ANXA13: variants seen among roughly 807,000 people sequenced by gnomAD.
The protein encoded by ANXA13 is annexin XIII.
In ANXA13, 36 loss-of-function variants were observed where a neutral mutation model predicts 46.6. The observed-to-expected ratio is 0.77, with a 90% CI of 0.59 to 1.02. The LOEUF is 1.02. Among genes scored for constraint, ANXA13 ranks in the 50% least tolerant of loss-of-function variants. The pLI is 0.00. For synonymous variants in ANXA13, 163 were observed against 152.9 expected, an observed-to-expected ratio of 1.07 and a Z score of -0.49; for missense variants, 417 against 396.5, an observed-to-expected ratio of 1.05 and a Z score of -0.44.
chr8:123,684,612 CG>C lies in ANXA13; in HGVS notation c.828del (p.Glu277ArgfsTer35). ...ETLIRIVVTR[A>X]EVDLQGIKAK... is the part of the protein sequence containing the mutation. ...TTTGGAGTCGGAGTGTGTCTTACCT[CG>C]GCCCTGGTCACGACTATGCGAATCA... On this transcript the variant is annotated frameshift_variant, in exon 10 of 11. Transcript: ENST00000419625. LOFTEE classifies it high-confidence loss of function. 1 of 1,610,704 alleles carries C rather than the reference CG, an allele frequency of 6.2e-7. No homozygotes were observed. The highest frequency in any genetic ancestry group is 8.5e-7 in the Non-Finnish European group (1 of 1,176,922).
At chr8:123,684,019 A>T (rs1813091392) in intron 10 of ANXA13, among the ~76,000 whole-genome samples, 1 of 152,200 alleles carries the variant, frequency 6.6e-6, no homozygotes, top group South Asian at 2.1e-4. Flanking sequence ...TTTTTTATGT[A>T]TAAAGCACTG....
In ANXA13 at chr8:123,698,305, C is replaced by G. The variant is rs978331142; in HGVS notation, c.357+84G>C. 43 of 1,471,922 alleles carry G rather than the reference C, an allele frequency of 2.9e-5. No individual in the cohort carries two copies. The South Asian group carries it at 5.1e-4, about 17-fold the overall frequency. The allele number at this position is 1,471,922 out of a possible 1,614,324, so 91.2% of individuals were successfully genotyped here. On this transcript the variant is annotated intron_variant, in intron 4 of 10. Transcript: ENST00000419625. ...ACCTGCTCAGTCCATGGATAGAATG[C>G]TGGGAAGTAGGGTCCCTTCTGGGGG...
rs1485935358 is a variant in ANXA13, at chr8:123,736,152, T to G, written c.15+1168A>C. On this transcript the variant is annotated intron_variant, in intron 1 of 10. Transcript: ENST00000419625. ...AACAATGCCTTTCCTAAGAATATATTTGTAAGTTTGTAAACATCTGAGTGC... is the reference window on the plus strand; with the variant it reads ...AACAATGCCTTTCCTAAGAATATATGTGTAAGTTTGTAAACATCTGAGTGC... Among the ~76,000 whole-genome samples the G allele has an allele frequency of 1.3e-5, 2 of 152,304 alleles. 1 individual carries two copies. The highest frequency in any genetic ancestry group is 4.1e-4 in the South Asian group (2 of 4,828).
chr8:123,720,370 C>G (rs1375177725), intron 1 of ANXA13, among the ~76,000 whole-genome samples: 4 of 152,168 alleles, frequency 2.6e-5, no homozygotes, highest in African/African-American at 9.7e-5. Flanking sequence ...GAGAGAGCCT[C>G]AGACACACCT....
At chr8:123,704,851 T>C (rs1438999725) in intron 2 of ANXA13, among the ~76,000 whole-genome samples, 1 of 152,188 alleles carries the variant, frequency 6.6e-6, no homozygotes, top group Non-Finnish European at 1.5e-5. Context: ...TCAGTTCTCC[T>C]CTCTATTGGA....
At chr8:123,692,633 T>C (rs144648202) in intron 8 of ANXA13, among the ~76,000 whole-genome samples, 1 of 152,326 alleles carries the variant, frequency 6.6e-6, no homozygotes, top group African/African-American at 2.4e-5. Context: ...GTTAGCCAAC[T>C]GTAAACTGGA....
At position 123,681,282 on chromosome 8, in the gene ANXA13, G is replaced by C; in HGVS notation, c.909C>G (p.Thr303=). ...KSLSDMVRSD[T]SGDFRKLLVA... Reference sequence around the variant, plus strand: ...CTAGCAGTTTCCGGAAGTCCCCGGAGGTATCTGAGCGAACCATGTCAGAGA... The same window carrying C: ...CTAGCAGTTTCCGGAAGTCCCCGGACGTATCTGAGCGAACCATGTCAGAGA... Residue 303 remains threonine, a synonymous_variant, in exon 11 of 11, where the codon ACC becomes ACG. Coordinates refer to ENST00000419625, the MANE Select transcript of ANXA13 (RefSeq NM_004306.4). 1 of 1,614,128 alleles carries C rather than the reference G, an allele frequency of 6.2e-7. No individual in the cohort carries two copies. The highest frequency in any genetic ancestry group is 8.5e-7 in the Non-Finnish European group (1 of 1,179,992).
intron 2 of ANXA13, among the ~76,000 whole-genome samples, chr8:123,705,189 C>G (rs1430721059): frequency 6.6e-6 from 1 of 152,206 alleles, no homozygotes; most frequent in African/African-American, 2.4e-5. Flanking sequence ...TGAGACAACT[C>G]TTTTACCTGT....
At chr8:123,692,310 T>A (rs1198400981) in intron 8 of ANXA13, among the ~76,000 whole-genome samples, 1 of 152,194 alleles carries the variant, frequency 6.6e-6, no homozygotes, top group Non-Finnish European at 1.5e-5. Context: ...GTCACAATAG[T>A]TGTTCGGCCT....
intron 1 of ANXA13, among the ~76,000 whole-genome samples, chr8:123,719,564 G>A (rs757321380): frequency 5.3e-5 from 8 of 152,152 alleles, no homozygotes; most frequent in Admixed American, 2.0e-4. Flanking sequence ...TTTTAAGGAG[G>A]AGTTGACATT....
chr8:123,712,119 T>A (rs964958621), intron 2 of ANXA13: 2 of 154,760 alleles, frequency 1.3e-5, no homozygotes, highest in African/African-American at 4.8e-5. Context: ...GATAATTGAC[T>A]CACAGGGGCA....
rs762896828 is a variant in ANXA13 at position 123,681,345 on chromosome 8, C to G, written c.846G>C (p.Gly282=). The G allele has an allele frequency of 1.8e-5, 29 of 1,613,592 alleles. No homozygotes were observed. The South Asian group carries it at 2.7e-4, about 15-fold the overall frequency. The change falls in exon 11 of 11, where the codon GGG becomes GGC. Residue 282 remains glycine, a synonymous_variant. Coordinates refer to ENST00000419625, the MANE Select transcript of ANXA13 (RefSeq NM_004306.4). ...VVTRAEVDLQ[G]IKAKFQEKYQ... The stretch of plus-strand genomic sequence containing the variant: ...ACTTCTCTTGGAACTTTGCTTTGAT[C>G]CCCTGAAGGTCCACCTGTAGAAAAA...
At chr8:123,735,876 C>T in intron 1 of ANXA13, 1 of 1,593,608 alleles carries the variant, frequency 6.3e-7, no homozygotes, top group Non-Finnish European at 8.5e-7. Flanking sequence ...GTACGACTGG[C>T]TCTGAGGATT....
At chr8:123,726,380 G>T (rs1467575832) in intron 1 of ANXA13, among the ~76,000 whole-genome samples, 2 of 152,222 alleles carry the variant, frequency 1.3e-5, no homozygotes, top group Non-Finnish European at 2.9e-5. Context: ...TCAATATGCT[G>T]TGCCTTAAAC....
At chr8:123,725,367 T>A (rs1813963099) in intron 1 of ANXA13, among the ~76,000 whole-genome samples, 1 of 152,220 alleles carries the variant, frequency 6.6e-6, no homozygotes, top group African/African-American at 2.4e-5. Context: ...GGTTGTTAAG[T>A]CACCTGCTCA....
At chr8:123,721,080 G>A (rs181258624) in intron 1 of ANXA13, among the ~76,000 whole-genome samples, 3 of 152,068 alleles carry the variant, frequency 2.0e-5, no homozygotes, top group Non-Finnish European at 4.4e-5. Context: ...TTACTTCTAT[G>A]AGTTTGACTA....
chr8:123,719,758 C>T (rs1343072657), intron 1 of ANXA13, among the ~76,000 whole-genome samples: 1 of 152,170 alleles, frequency 6.6e-6, no homozygotes, highest in Non-Finnish European at 1.5e-5. Flanking sequence ...ACATAATAGT[C>T]CACATAGTGT....
At chr8:123,718,638 G>GA (rs1813803274) in intron 1 of ANXA13, among the ~76,000 whole-genome samples, 2 of 152,136 alleles carry the variant, frequency 1.3e-5, no homozygotes, top group African/African-American at 4.8e-5. Context: ...TTCCACTTTG[G>GA]TTTTTTCTTC....
At chr8:123,697,532 C>T (rs576992626) in intron 4 of ANXA13, among the ~76,000 whole-genome samples, 2 of 152,318 alleles carry the variant, frequency 1.3e-5, no homozygotes, top group African/African-American at 2.4e-5. Flanking sequence ...GGCTGAGCAG[C>T]GTGAACGTGG....
Sources: allele counts gnomAD v4.1 joint callset (sites outside exome capture counted in the v4.1 genomes callset), GRCh38; gene constraint gnomAD v4.1.1; transcripts MANE v1.5; gene names NCBI Gene and HGNC (gene_info 2026-07-23, HGNC 2026-07-21).